TMC1: variants seen among roughly 807,000 people sequenced by gnomAD.
TMC1 encodes transmembrane channel-like protein 1.
TMC1 carries 84 observed loss-of-function variants against 105.8 expected under a neutral mutation model. The ratio of observed to expected loss-of-function variants is 0.79; its 90% CI spans 0.67 to 0.95. The LOEUF is 0.95. Among genes scored for constraint, TMC1 ranks in the 40% least tolerant of loss-of-function variants. The pLI is 0.00. For missense variants in TMC1, 817 were observed against 914.1 expected (o/e 0.89, Z 1.37); for synonymous variants, 315 against 311.5 (o/e 1.01, Z -0.12).
At chr9:72,628,862 AAATAAATATTT>A (rs1273897398) in intron 4 of TMC1, among the ~76,000 whole-genome samples, 37 of 152,376 alleles carry the variant, frequency 2.4e-4, no homozygotes, top group African/African-American at 8.7e-4. Context: ...GATTTACTTA[AAATAAATATTT>A]CTGCCTAGGC....
chr9:72,686,157 G>C (rs1443794873), intron 5 of TMC1, among the ~76,000 whole-genome samples: 1 of 152,022 alleles, frequency 6.6e-6, no homozygotes, highest in Non-Finnish European at 1.5e-5. Flanking sequence ...ATGCAGTTTT[G>C]CTTGCTGCCT....
chr9:72,694,650 C>A lies in TMC1; in HGVS notation c.172C>A (p.Pro58Thr). The A allele has an allele frequency of 1.2e-6, 2 of 1,612,582 alleles. No individual in the cohort carries two copies. The highest frequency in any genetic ancestry group is 1.7e-6 in the Non-Finnish European group (2 of 1,179,338). ...VINEDDPEPE[P>T]EDEETRKARE... ...CAATGAGGATGACCCAGAACCTGAA[C>A]CAGAGGATGAAGAAACAAGGAAGGC... is the stretch of plus-strand genomic sequence containing the variant. The change falls in exon 7 of 24, where the codon CCA becomes ACA. Residue 58 changes from proline to threonine, a missense_variant. Coordinates refer to ENST00000297784, the MANE Select transcript of TMC1 (RefSeq NM_138691.3).
chr9:72,635,653 G>A (rs1378078430), intron 4 of TMC1, among the ~76,000 whole-genome samples: 4 of 152,118 alleles, frequency 2.6e-5, no homozygotes, highest in Admixed American at 1.3e-4. Flanking sequence ...GGGAAACTTC[G>A]AGAATGAGGC....
intron 5 of TMC1, among the ~76,000 whole-genome samples, chr9:72,684,432 A>G (rs1266369535): frequency 1.3e-5 from 2 of 152,182 alleles, no homozygotes; most frequent in East Asian, 3.9e-4. Flanking sequence ...ACAATCTCTG[A>G]CTTTCCTTCT....
chr9:72,816,735 A>G (rs903321417), intron 19 of TMC1, among the ~76,000 whole-genome samples: 6 of 152,182 alleles, frequency 3.9e-5, no homozygotes, highest in African/African-American at 1.2e-4. Context: ...AACTTGTTTT[A>G]TAGGGCCATG....
chr9:72,725,743 T>G (rs533071968), intron 8 of TMC1, among the ~76,000 whole-genome samples: 116 of 152,010 alleles, frequency 7.6e-4, no homozygotes, highest in African/African-American at 2.7e-3. Context: ...CAGGCTGGAG[T>G]GCAGTGGCAC....
chr9:72,581,042 C>G (rs75820575), intron 2 of TMC1, among the ~76,000 whole-genome samples: 176 of 152,298 alleles, frequency 1.2e-3, no homozygotes, highest in African/African-American at 4.0e-3. Flanking sequence ...TTCGATAACT[C>G]TGTAAAACAG....
chr9:72,734,065 C>A (rs1827258433), intron 8 of TMC1, among the ~76,000 whole-genome samples: 1 of 152,180 alleles, frequency 6.6e-6, no homozygotes, highest in Admixed American at 6.6e-5. Context: ...AGAGTGCAGA[C>A]TGTGTGGATT....
intron 20 of TMC1, among the ~76,000 whole-genome samples, chr9:72,825,248 C>T (rs1828934207): frequency 6.6e-6 from 1 of 152,276 alleles, no homozygotes; most frequent in East Asian, 1.9e-4. Flanking sequence ...GCACTTATCA[C>T]CCAGCTGGGA....
At chr9:72,824,535 G>T (rs531173141) in intron 20 of TMC1, among the ~76,000 whole-genome samples, 65 of 152,308 alleles carry the variant, frequency 4.3e-4, no homozygotes, top group African/African-American at 1.5e-3. Context: ...GGAAGGGCAG[G>T]TCATCTTCCC....
At chr9:72,629,712 G>A (rs1825414780) in intron 4 of TMC1, among the ~76,000 whole-genome samples, 1 of 152,116 alleles carries the variant, frequency 6.6e-6, no homozygotes, top group South Asian at 2.1e-4. Flanking sequence ...GCTTTAACTA[G>A]AAAATAGTGG....
At chr9:72,662,220 T>A (rs1825978944) in intron 5 of TMC1, among the ~76,000 whole-genome samples, 1 of 150,560 alleles carries the variant, frequency 6.6e-6, no homozygotes, top group Non-Finnish European at 1.5e-5. Flanking sequence ...AGAGTCTTGC[T>A]CTGTCACCCA....
intron 5 of TMC1, among the ~76,000 whole-genome samples, chr9:72,666,934 G>A (rs568567762): frequency 2.8e-4 from 42 of 150,918 alleles, no homozygotes; most frequent in African/African-American, 8.3e-4. Flanking sequence ...AACAATAAAC[G>A]AAACACATGG....
intron 6 of TMC1, among the ~76,000 whole-genome samples, chr9:72,692,954 A>G (rs1826490679): frequency 1.3e-5 from 2 of 152,074 alleles, no homozygotes; most frequent in South Asian, 4.1e-4. Flanking sequence ...CCCCATCTCT[A>G]CTAAAAATAC....
intron 1 of TMC1, among the ~76,000 whole-genome samples, chr9:72,559,381 A>T (rs1824005628): frequency 6.6e-6 from 1 of 152,214 alleles, no homozygotes; most frequent in African/African-American, 2.4e-5. Flanking sequence ...GGCGTGAGCC[A>T]CTGTGCCTGG....
intron 2 of TMC1, 101 bp from the exon 3 acceptor site, chr9:72,616,267 T>G (rs1159244581): frequency 6.6e-6 from 1 of 152,176 alleles, no homozygotes; most frequent in Non-Finnish European, 1.5e-5. Context: ...CAGGTAAAAT[T>G]CACAAAGTTG....
At chr9:72,685,432 C>T (rs1348310731) in intron 5 of TMC1, among the ~76,000 whole-genome samples, 5 of 150,388 alleles carry the variant, frequency 3.3e-5, no homozygotes, top group African/African-American at 2.5e-5. Flanking sequence ...GGCACAATCT[C>T]GGCTCACTGC....
At chr9:72,543,952 C>CTT (rs1554710174) in intron 1 of TMC1, among the ~76,000 whole-genome samples, 9 of 134,336 alleles carry the variant, frequency 6.7e-5, no homozygotes, top group South Asian at 2.3e-4. Flanking sequence ...TTCTTTCTTT[C>CTT]TTTTTTTTTT....
chr9:72,780,491 A>G (rs1415653307), intron 13 of TMC1, among the ~76,000 whole-genome samples: 1 of 152,120 alleles, frequency 6.6e-6, no homozygotes, highest in Non-Finnish European at 1.5e-5. Context: ...GCAAGAACCA[A>G]CTGTATGTTG....
Sources: gnomAD v4.1 joint callset for allele counts (sites outside exome capture counted in the v4.1 genomes callset) on GRCh38, gnomAD v4.1.1 for gene constraint, MANE v1.5 for transcripts, NCBI Gene and HGNC (gene_info 2026-07-23, HGNC 2026-07-21) for gene names.